STRN3: variants seen among roughly 807,000 people sequenced by gnomAD.
STRN3 encodes striatin 3.
STRN3 carries 29 observed loss-of-function variants against 95.6 expected under a neutral mutation model. The observed-to-expected ratio is 0.30, with a 90% confidence interval of 0.23 to 0.41. The LOEUF (loss-of-function observed/expected upper bound fraction) is 0.41, where lower values mean the gene tolerates loss of function less well. Ranked by LOEUF, STRN3 falls within the 10% of genes least tolerant of loss-of-function variation. STRN3 has a pLI of 1.00. For missense variants in STRN3, 890 were observed against 972.1 expected (o/e 0.92, Z 1.12); for synonymous variants, 331 against 357.6 (o/e 0.93, Z 0.84).
chr14:30,986,073 G>T (rs562731464), intron 1 of STRN3, among the ~76,000 whole-genome samples: 1 of 152,160 alleles, frequency 6.6e-6, no homozygotes, highest in African/African-American at 2.4e-5. Flanking sequence ...AAAGAGAAAT[G>T]ATCTATTAAA....
intron 8 of STRN3, among the ~76,000 whole-genome samples, chr14:30,925,934 T>C (rs1270972337): frequency 1.3e-5 from 2 of 152,098 alleles, no homozygotes; most frequent in Non-Finnish European, 2.9e-5. Flanking sequence ...GCTAAGAAAT[T>C]CATGAATTAC....
At chr14:31,025,705 T>C in intron 1 of STRN3, 199 bp downstream of exon 1, 1 of 788,916 alleles carries the variant, frequency 1.3e-6, no homozygotes, top group Non-Finnish European at 1.9e-6. Context: ...CAGTGAAGGT[T>C]GGGGAGCAAG....
At chr14:31,014,720 TG>T in intron 1 of STRN3, 1 of 449,164 alleles carries the variant, frequency 2.2e-6, no homozygotes, top group East Asian at 7.1e-5. Flanking sequence ...CACAAGGTAC[TG>T]GTACTACCTT....
intron 1 of STRN3, among the ~76,000 whole-genome samples, chr14:30,969,825 T>A (rs1880733393): frequency 6.6e-6 from 1 of 152,048 alleles, no homozygotes; most frequent in Non-Finnish European, 1.5e-5. Flanking sequence ...CCCCTAGAAT[T>A]TCCAGTAAAC....
chr14:30,966,173 C>CATCCAATCGGAATTAGTTTAGCCT (rs1880493823), intron 1 of STRN3, among the ~76,000 whole-genome samples: 1 of 152,154 alleles, frequency 6.6e-6, no homozygotes, highest in African/African-American at 2.4e-5. Context: ...TTAGCCTGTG[C>CATCCAATCGGAATTAGTTTAGCCT]GTCTAACCCT....
chr14:31,011,727 T>G (rs566543829), intron 1 of STRN3, among the ~76,000 whole-genome samples: 2 of 152,170 alleles, frequency 1.3e-5, no homozygotes, highest in Non-Finnish European at 2.9e-5. Context: ...AATAGAAAGA[T>G]TCATAAAAAC....
intron 7 of STRN3, among the ~76,000 whole-genome samples, chr14:30,934,867 A>T (rs928697819): frequency 6.6e-6 from 1 of 152,182 alleles, no homozygotes; most frequent in African/African-American, 2.4e-5. Flanking sequence ...ATAAATTTTT[A>T]AAAATTGACT....
chr14:30,966,645 A>T (rs571381505), intron 1 of STRN3, among the ~76,000 whole-genome samples: 18 of 152,180 alleles, frequency 1.2e-4, no homozygotes, highest in Non-Finnish European at 2.4e-4. Flanking sequence ...AGGAGCTGGT[A>T]AAGTACTTCC....
intron 13 of STRN3, among the ~76,000 whole-genome samples, chr14:30,908,545 G>A (rs951566542): frequency 1.3e-5 from 2 of 152,184 alleles, no homozygotes; most frequent in African/African-American, 4.8e-5. Flanking sequence ...AGACCTGGGT[G>A]ACCTGCTAGT....
At chr14:30,989,008 G>C (rs1881823211) in intron 1 of STRN3, among the ~76,000 whole-genome samples, 1 of 152,182 alleles carries the variant, frequency 6.6e-6, no homozygotes, top group Non-Finnish European at 1.5e-5. Context: ...AATCAGGACA[G>C]TAGATCTCAA....
At chr14:30,907,596 T>G (rs985855078) in intron 13 of STRN3, among the ~76,000 whole-genome samples, 1 of 142,084 alleles carries the variant, frequency 7.0e-6, no homozygotes, top group Non-Finnish European at 1.5e-5. Context: ...TGAGTATGTT[T>G]TCTTTTTTTC....
intron 1 of STRN3, among the ~76,000 whole-genome samples, chr14:30,961,882 C>T (rs1334980375): frequency 6.6e-6 from 1 of 152,236 alleles, no homozygotes; most frequent in Admixed American, 6.5e-5. Context: ...GCTAAGATTA[C>T]AGGTGTGAAC....
intron 1 of STRN3, among the ~76,000 whole-genome samples, chr14:31,011,162 C>T (rs1056857390): frequency 1.3e-5 from 2 of 152,144 alleles, no homozygotes; most frequent in Admixed American, 6.5e-5. Flanking sequence ...CAGGATCAAA[C>T]GAGGGCTTGA....
chr14:30,953,827 G>A (rs1455843539), intron 3 of STRN3, among the ~76,000 whole-genome samples: 1 of 152,080 alleles, frequency 6.6e-6, no homozygotes, highest in Non-Finnish European at 1.5e-5. Flanking sequence ...ATGAGGTTTT[G>A]CCATGTTGTC....
chr14:30,965,305 C>T (rs898612768), intron 1 of STRN3, among the ~76,000 whole-genome samples: 15 of 152,306 alleles, frequency 9.8e-5, no homozygotes, highest in Admixed American at 8.5e-4. Flanking sequence ...CAGTTTGCTG[C>T]AGAATCCCAC....
At chr14:30,994,098 A>C (rs961613029) in intron 1 of STRN3, among the ~76,000 whole-genome samples, 13 of 151,306 alleles carry the variant, frequency 8.6e-5, no homozygotes, top group Non-Finnish European at 1.8e-4. Flanking sequence ...CTGGTCTTGA[A>C]CTCCTGACCT....
chr14:30,990,617 GCA>G (rs2139258301), intron 1 of STRN3, among the ~76,000 whole-genome samples: 1 of 152,268 alleles, frequency 6.6e-6, no homozygotes, highest in East Asian at 1.9e-4. Context: ...AGCTGACACA[GCA>G]CAGATTTCAT....
At chr14:30,912,873 G>A (rs116027882) in intron 10 of STRN3, among the ~76,000 whole-genome samples, 311 of 151,814 alleles carry the variant, frequency 2.0e-3, no homozygotes, top group African/African-American at 7.1e-3. Context: ...AGTATAAAAC[G>A]TGGAAAAAAG....
At chr14:30,938,383 A>G (rs1013407314) in intron 5 of STRN3, among the ~76,000 whole-genome samples, 1 of 152,208 alleles carries the variant, frequency 6.6e-6, no homozygotes, top group African/African-American at 2.4e-5. Flanking sequence ...GTGAAAGGCA[A>G]TGAATGCATT....
Sources: gnomAD v4.1 joint callset for allele counts (sites outside exome capture counted in the v4.1 genomes callset) on GRCh38, gnomAD v4.1.1 for gene constraint, MANE v1.5 for transcripts, NCBI Gene and HGNC (gene_info 2026-07-23, HGNC 2026-07-21) for gene names.